HUWE1: variants seen among roughly 807,000 people sequenced by gnomAD.
The protein encoded by HUWE1 is HECT, UBA and WWE domain containing E3 ubiquitin protein ligase 1.
In HUWE1, 18 loss-of-function variants were observed where a neutral mutation model predicts 299.4. The observed-to-expected ratio is 0.06, with a 90% CI of 0.04 to 0.09. The LOEUF is 0.09. HUWE1 is among the 10% of genes least tolerant of loss of function. The pLI, the probability that HUWE1 is intolerant of heterozygous loss-of-function variation, is 1.00. For synonymous variants in HUWE1, 1,317 were observed against 1,286.1 expected (o/e 1.02, Z -0.51); for missense variants, 1,832 against 3,462.3 (o/e 0.53, Z 11.82).
chrX:53,562,265 T>G (rs1556941930), intron 53 of HUWE1, 21 bp from the exon 54 acceptor site: 2 of 1,206,615 alleles, frequency 1.7e-6, no homozygotes, highest in Admixed American at 4.4e-5. Context: ...GGGAGCACAT[T>G]GGAGGACTAA....
At chrX:53,636,495 G>A (rs927733711) in intron 7 of HUWE1, among the ~76,000 whole-genome samples, 4 of 112,390 alleles carry the variant, frequency 3.6e-5, no homozygotes, top group Non-Finnish European at 7.5e-5. Flanking sequence ...AGCCCGAGGC[G>A]GGCAGATCAC....
In HUWE1 at chrX:53,684,202, T is replaced by C. The variant is rs1014758206; in HGVS notation, c.-163+2068A>G. On this transcript the variant is annotated intron_variant, in intron 2 of 83. Transcript: ENST00000262854. ...TACCACGGCCGGCTCCCGCATGCGT[T>C]GAGAACTATCGCGATATTACGCTTT... The C allele has an allele frequency of 2.2e-5, 5 of 227,999 alleles. No individual in the cohort carries two copies. In the East Asian group the frequency reaches 2.7e-4, roughly 12 times the overall value. 18.8% of individuals were successfully genotyped at this position (227,999 alleles called of 1,213,427 possible).
intron 78 of HUWE1, among the ~76,000 whole-genome samples, chrX:53,536,978 A>G (rs1448341693): frequency 8.9e-6 from 1 of 112,301 alleles, no homozygotes; most frequent in Non-Finnish European, 1.9e-5. Context: ...AAGTGGTATT[A>G]GAGAGGGATA....
chrX:53,533,498 C>A, intron 83 of HUWE1, 87 bp from the exon 84 acceptor site: 1 of 636,150 alleles, frequency 1.6e-6, no homozygotes, highest in Admixed American at 2.6e-5. Flanking sequence ...AGCCCCTCCC[C>A]TCCCTGAAGA....
intron 49 of HUWE1, among the ~76,000 whole-genome samples, chrX:53,565,647 T>C: frequency 1.8e-5 from 2 of 109,799 alleles, no homozygotes; most frequent in Middle Eastern, 9.4e-3. Flanking sequence ...TTTTTTTTTT[T>C]TGGAGACAGG....
chrX:53,581,442 G>A (rs1408288299), intron 42 of HUWE1, among the ~76,000 whole-genome samples: 1 of 112,301 alleles, frequency 8.9e-6, no homozygotes, highest in Non-Finnish European at 1.9e-5. Flanking sequence ...CCATCAGTCT[G>A]AGATAATGAT....
At chrX:53,549,790 C>T (rs911045544) in intron 66 of HUWE1, among the ~76,000 whole-genome samples, 1 of 107,728 alleles carries the variant, frequency 9.3e-6, no homozygotes, top group Non-Finnish European at 1.9e-5. Flanking sequence ...CTCGCTCTGT[C>T]ACCCAGGCTG....
At chrX:53,561,619 T>G in intron 55 of HUWE1, 137 bp downstream of exon 55, 2 of 893,048 alleles carry the variant, frequency 2.2e-6, no homozygotes, top group Non-Finnish European at 3.2e-6. Flanking sequence ...TGGATTCAGA[T>G]ATCCCTTGCC....
intron 29 of HUWE1, among the ~76,000 whole-genome samples, chrX:53,598,177 G>T (rs2064604847): frequency 8.9e-6 from 1 of 111,780 alleles, no homozygotes; most frequent in Non-Finnish European, 1.9e-5. Flanking sequence ...TGTAGAAGCA[G>T]TGCCAGGAAC....
rs373465190 is a variant in HUWE1, at chrX:53,589,718, C to G, written c.4290G>C (p.Pro1430=). 8.3e-7 allele frequency: 1 copy of G among 1,211,265 alleles called. No homozygotes were observed. The highest frequency in any genetic ancestry group is 1.8e-5 in the South Asian group (1 of 56,934). Residue 1430 remains proline, a synonymous_variant, in exon 36 of 84, where the codon CCG becomes CCC. Coordinates refer to ENST00000262854, the MANE Select transcript of HUWE1 (RefSeq NM_031407.7). ...AAGTGTGGAGCTCATCTTGTTCCAA[C>G]GGGTCAGCATCCTGGAACTTCTCTA... ...KCLEKFQDAD[P]LEQDELHTFT...
intron 3 of HUWE1, among the ~76,000 whole-genome samples, chrX:53,667,329 T>C (rs1413107737): frequency 8.9e-6 from 1 of 112,290 alleles, no homozygotes; most frequent in Non-Finnish European, 1.9e-5. Context: ...CTCTTCAACA[T>C]ATGATGGGAT....
rs782234284 is a variant in HUWE1, at chrX:53,593,469, G to A, written c.3636C>T (p.Pro1212=). 27 of 1,209,002 alleles carry A rather than the reference G, an allele frequency of 2.2e-5. No individual in the cohort carries two copies. The highest frequency in any genetic ancestry group is 6.5e-5 in the Admixed American group (3 of 45,821). The change falls in exon 32 of 84, where the codon CCC becomes CCT. Residue 1212 remains proline, a synonymous_variant. Coordinates refer to ENST00000262854, the MANE Select transcript of HUWE1 (RefSeq NM_031407.7). Reference sequence around the variant, plus strand: ...AATGTGGAGATTCAAGCACCGTGGTGGGATTCACCATCTTCTCCACCAGCA... The same window carrying A: ...AATGTGGAGATTCAAGCACCGTGGTAGGATTCACCATCTTCTCCACCAGCA... ...WLMLVEKMVN[P]TTVLESPHSL...
intron 4 of HUWE1, among the ~76,000 whole-genome samples, chrX:53,649,466 C>T (rs1557038625): frequency 8.9e-6 from 1 of 112,134 alleles, no homozygotes; most frequent in Admixed American, 9.5e-5. Context: ...GTATTTTCGG[C>T]ATCTGAAACA....
intron 28 of HUWE1, among the ~76,000 whole-genome samples, 166 bp from the exon 29 acceptor site, chrX:53,600,475 C>G (rs1556989308): frequency 8.9e-6 from 1 of 112,438 alleles, no homozygotes; most frequent in African/African-American, 3.2e-5. Context: ...TACTGATATG[C>G]TCCTCTGGAG....
At chrX:53,557,771 T>A (rs1277026314) in intron 59 of HUWE1, among the ~76,000 whole-genome samples, 2 of 112,103 alleles carry the variant, frequency 1.8e-5, no homozygotes, top group African/African-American at 6.5e-5. Flanking sequence ...GCTTATTTTT[T>A]ATTTTGTCCA....
At chrX:53,666,717 T>C (rs1304143251) in intron 3 of HUWE1, among the ~76,000 whole-genome samples, 1 of 111,559 alleles carries the variant, frequency 9.0e-6, no homozygotes, top group African/African-American at 3.3e-5. Context: ...GCCCCAACTA[T>C]ATCCTGCATA....
chrX:53,638,732 G>A lies in HUWE1; in HGVS notation c.505-4434C>T, dbSNP rs782104820. On this transcript the variant is annotated intron_variant, in intron 7 of 83. Transcript: ENST00000262854. ...AACTCAGGAGTTAGGTGGGATGGAGGTGAGGAAGACTAATATATTTTTTAA... is the reference window on the plus strand; with the variant it reads ...AACTCAGGAGTTAGGTGGGATGGAGATGAGGAAGACTAATATATTTTTTAA... 1.7e-4 allele frequency among the ~76,000 whole-genome samples: 19 copies of A among 112,077 alleles called. No individual in the cohort carries two copies. The Admixed American group carries it at 1.8e-3, about 11-fold the overall frequency.
rs782787703 is a variant in HUWE1, at chrX:53,568,828, G to A, written c.6571C>T (p.Pro2191Ser). 8.3e-7 allele frequency: 1 copy of A among 1,207,748 alleles called. No individual in the cohort carries two copies. The highest frequency in any genetic ancestry group is 1.1e-6 in the Non-Finnish European group (1 of 893,216). ...CTGCTGTAGAAGCTGGAGGTGGAGGGGCAGGACTCCATGATAGTACTGATG... is the reference window on the plus strand; with the variant it reads ...CTGCTGTAGAAGCTGGAGGTGGAGGAGCAGGACTCCATGATAGTACTGATG... ...CIISTIMESC[P>S]STSSFYSSAT... The change falls in exon 49 of 84, where the codon CCC becomes TCC. Residue 2191 changes from proline to serine, a missense_variant. This residue lies in a region of HUWE1 where 157 missense variants were observed against 252.3 expected (regional missense o/e 0.62). Coordinates refer to ENST00000262854, the MANE Select transcript of HUWE1 (RefSeq NM_031407.7).
intron 17 of HUWE1, chrX:53,625,611 G>A (rs1340243713): frequency 5.3e-6 from 1 of 187,421 alleles, no homozygotes; most frequent in Non-Finnish European, 9.8e-6. Flanking sequence ...AGTATAAAAT[G>A]CTATGAAAGA....
Sources: allele counts gnomAD v4.1 joint callset (sites outside exome capture counted in the v4.1 genomes callset), GRCh38; gene constraint gnomAD v4.1.1; regional missense constraint gnomAD v4.1.1; transcripts MANE v1.5; gene names NCBI Gene and HGNC (gene_info 2026-07-23, HGNC 2026-07-21).